Variants in EXOSC10 observed in about 807,000 individuals in gnomAD.
The protein encoded by EXOSC10 is exosome component 10.
EXOSC10 carries 94 observed loss-of-function variants against 126.6 expected under a neutral mutation model. The observed-to-expected ratio is 0.74, with a 90% CI of 0.63 to 0.88. The LOEUF is 0.88. Ranked by LOEUF, EXOSC10 falls within the 40% of genes least tolerant of loss-of-function variation. The pLI, the probability that EXOSC10 is intolerant of heterozygous loss-of-function variation, is 0.00. For synonymous variants in EXOSC10, 395 were observed against 400.8 expected (o/e 0.99, Z 0.17); for missense variants, 1,041 against 1,100.5 (o/e 0.95, Z 0.77).
intron 9 of EXOSC10, among the ~76,000 whole-genome samples, chr1:11,086,258 T>G (rs1420423435): frequency 2.0e-5 from 3 of 152,132 alleles, no homozygotes; most frequent in Non-Finnish European, 4.4e-5. Flanking sequence ...TCCTAGACTC[T>G]TTTTGGTTGG....
Position 11,070,934 on chromosome 1 carries a change from G to A in EXOSC10, c.2282C>T (p.Ala761Val), listed in dbSNP as rs2100948430. The A allele has an allele frequency of 6.2e-7, 1 of 1,614,170 alleles. No individual in the cohort carries two copies. Among genetic ancestry groups the A allele is most frequent in the Non-Finnish European group, 8.5e-7 (1 of 1,180,010 alleles). The change falls in exon 21 of 25, where the codon GCA becomes GTA. Residue 761 changes from alanine (A) to valine (V), a missense_variant. By Grantham distance (64) the Ala-to-Val change is moderately conservative. Around this residue, in one of 3 missense-constraint regions of EXOSC10, gnomAD observed 388 missense variants for 415.2 expected, o/e 0.93. Transcript: ENST00000376936. ...CTGTCGGACGGAGATGGCCTGTTCT[G>A]CTGCAGCTTTGCACGCCTCCTTTGC... ...EQAKEACKAA[A>V]EQAISVRQQV...
intron 21 of EXOSC10, 22 bp from the exon 22 acceptor site, chr1:11,069,752 G>C (rs747851985): frequency 6.6e-5 from 107 of 1,611,324 alleles, no homozygotes; most frequent in Non-Finnish European, 8.7e-5. Context: ...GAACAGATGT[G>C]GGGGAGGAAC....
chr1:11,069,137 G>A (rs1446007194), intron 22 of EXOSC10, among the ~76,000 whole-genome samples: 1 of 152,104 alleles, frequency 6.6e-6, no homozygotes, highest in African/African-American at 2.4e-5. Context: ...AATGCCATCT[G>A]TAGCCCCTTC....
chr1:11,074,641 G>A (rs1181060448), intron 17 of EXOSC10, among the ~76,000 whole-genome samples: 1 of 152,146 alleles, frequency 6.6e-6, no homozygotes, highest in Non-Finnish European at 1.5e-5. Flanking sequence ...TTGAACTCCT[G>A]ACCTCAAGTG....
At position 11,070,970 on chromosome 1, in the gene EXOSC10, G is replaced by A; in HGVS notation, c.2246C>T (p.Ala749Val). 1 of 1,613,806 alleles carries A rather than the reference G, an allele frequency of 6.2e-7. No homozygotes were observed. The highest frequency in any genetic ancestry group is 8.5e-7 in the Non-Finnish European group (1 of 1,179,918). The stretch of plus-strand genomic sequence containing the variant: ...GCACGCCTCCTTTGCCTGTTCCCGG[G>A]CAGCTGCAAGGGAGAGAACTTGTCT... The part of the protein sequence containing the change: ...VKKKAAEQTA[A>V]REQAKEACKA... Residue 749 changes from alanine to valine, a missense_variant, in exon 21 of 25, where the codon GCC becomes GTC. By Grantham distance (64) the Ala-to-Val change is moderately conservative. This residue lies in a region of EXOSC10 where 388 missense variants were observed against 415.2 expected (regional missense o/e 0.93). Coordinates refer to ENST00000376936, the MANE Select transcript of EXOSC10 (RefSeq NM_001001998.3).
In EXOSC10 at chr1:11,087,927, G is replaced by T; in HGVS notation, c.835-17C>A. 1 of 1,478,568 alleles carries T rather than the reference G, an allele frequency of 6.8e-7. No individual in the cohort carries two copies. The highest frequency in any genetic ancestry group is 9.4e-7 in the Non-Finnish European group (1 of 1,065,046). 91.6% of individuals were successfully genotyped at this position (1,478,568 alleles called of 1,614,324 possible). A position where few individuals can be genotyped will look rare whatever the true frequency, so the allele number is the denominator to read the frequency against. Reference sequence around the variant, plus strand: ...TCTGTATAACTGGATCAAGAGAATAGTAAGAAAAAGGGAGGAATATAGAAA... The same window carrying T: ...TCTGTATAACTGGATCAAGAGAATATTAAGAAAAAGGGAGGAATATAGAAA... On this transcript the variant is annotated splice_polypyrimidine_tract_variant and intron_variant, in intron 7 of 24. Transcript: ENST00000376936.
At chr1:11,077,274 A>G in intron 16 of EXOSC10, 91 bp downstream of exon 16, 1 of 1,346,426 alleles carries the variant, frequency 7.4e-7, no homozygotes, top group Non-Finnish European at 1.0e-6. Context: ...TACAGGCATA[A>G]GCCACCACGC....
chr1:11,082,271 T>TA (rs1478801035), intron 10 of EXOSC10, among the ~76,000 whole-genome samples: 1 of 151,928 alleles, frequency 6.6e-6, no homozygotes, highest in Admixed American at 6.6e-5. Flanking sequence ...ACGCTCAGTG[T>TA]AAAGCTAAAC....
intron 12 of EXOSC10, 39 bp downstream of exon 12, chr1:11,080,725 G>A: frequency 6.2e-7 from 1 of 1,612,930 alleles, no homozygotes; most frequent in Non-Finnish European, 8.5e-7. Context: ...GATCTCCTCA[G>A]TCTGGAAACA....
At chr1:11,089,309 C>T (rs1640668689) in intron 6 of EXOSC10, among the ~76,000 whole-genome samples, 1 of 147,646 alleles carries the variant, frequency 6.8e-6, no homozygotes, top group African/African-American at 2.5e-5. Context: ...GGAGGAAAGA[C>T]AAATTTAAGA....
In EXOSC10 at chr1:11,090,995, C is replaced by A; in HGVS notation, c.643+19G>T. ...AAATAAAGTGAGACTCAAACACAGG[C>A]AAAGTATGCACTATTTACCTTGAGG... On this transcript the variant is annotated intron_variant, in intron 5 of 24. Transcript: ENST00000376936. 3 of 1,609,174 alleles carry A rather than the reference C, an allele frequency of 1.9e-6. No homozygotes were observed. The highest frequency in any genetic ancestry group is 2.5e-6 in the Non-Finnish European group (3 of 1,177,608).
chr1:11,091,920 C>G (rs1044685521), intron 3 of EXOSC10, among the ~76,000 whole-genome samples: 1 of 152,116 alleles, frequency 6.6e-6, no homozygotes, highest in Non-Finnish European at 1.5e-5. Context: ...GAACTCCTGA[C>G]CTCAAGTGAT....
chr1:11,087,815 A>C lies in EXOSC10; in HGVS notation c.930T>G (p.Phe310Leu), dbSNP rs1035430586. ...LNEKLLNCQE[F>L]AVDLEHHSYR... The stretch of plus-strand genomic sequence containing the variant: ...TATAAGATACCTCCAAGTCAACTGC[A>C]AATTCCTGACAATTCAAGAGCTTTT... Residue 310 changes from phenylalanine (F) to leucine (L), a missense_variant, in exon 8 of 25, where the codon TTT (phenylalanine) becomes TTG (leucine). Phe to Leu is a conservative substitution (Grantham distance 22). Around this residue, in one of 3 missense-constraint regions of EXOSC10, gnomAD observed 645 missense variants for 656.3 expected, o/e 0.98. Coordinates refer to ENST00000376936, the MANE Select transcript of EXOSC10 (RefSeq NM_001001998.3). The C allele has an allele frequency of 1.2e-5, 19 of 1,612,394 alleles. No individual in the cohort carries two copies. The highest frequency in any genetic ancestry group is 1.3e-5 in the African/African-American group (1 of 74,890).
rs1382382646 is a variant in EXOSC10 at position 11,087,547 on chromosome 1, T to C, written c.990A>G (p.Gln330=). Residue 330 remains glutamine (Q), a synonymous_variant, in exon 9 of 25, where the codon CAA becomes CAG. Coordinates refer to ENST00000376936, the MANE Select transcript of EXOSC10 (RefSeq NM_001001998.3). ...RSFLGLTCLM[Q]ISTRTEDFII... is the part of the protein sequence containing the mutation. The stretch of plus-strand genomic sequence containing the variant: ...TGAAGTCTTCCGTCCGAGTAGAAAT[T>C]TGCATCAGGCAGGTCAGTCCCAGGA... The C allele has an allele frequency of 1.2e-6, 2 of 1,614,064 alleles. No homozygotes were observed. Among genetic ancestry groups the C allele is most frequent in the East Asian group, 2.2e-5 (1 of 44,880 alleles).
Position 11,081,004 on chromosome 1 carries a change from G to C in EXOSC10, c.1437+78C>G, listed in dbSNP as rs1300022242. The C allele has an allele frequency of 2.5e-6, 4 of 1,587,190 alleles. No homozygotes were observed. In the East Asian group the frequency reaches 9.0e-5, roughly 36 times the overall value. On this transcript the variant is annotated intron_variant, in intron 11 of 24. Coordinates refer to ENST00000376936, the MANE Select transcript of EXOSC10 (RefSeq NM_001001998.3). The stretch of plus-strand genomic sequence containing the variant: ...GTTTGGCTCTTTTCATGAATGTAAG[G>C]AGCAAACCTAAGAACTAGAACCTGG...
intron 23 of EXOSC10, 42 bp from the exon 24 acceptor site, chr1:11,068,126 A>G (rs1191820126): frequency 1.3e-6 from 2 of 1,532,054 alleles, no homozygotes; most frequent in Non-Finnish European, 1.8e-6. Flanking sequence ...GGGCACCTTG[A>G]CCACAAGATA....
chr1:11,089,125 G>A (rs1407785212), intron 6 of EXOSC10, among the ~76,000 whole-genome samples: 1 of 151,706 alleles, frequency 6.6e-6, no homozygotes, highest in East Asian at 1.9e-4. Flanking sequence ...CAGCTACTAG[G>A]GAGGCTGAGG....
chr1:11,091,302 G>T, intron 4 of EXOSC10, 123 bp from the exon 5 acceptor site: 1 of 1,037,692 alleles, frequency 9.6e-7, no homozygotes, highest in Non-Finnish European at 1.4e-6. Flanking sequence ...ATTTAAGAAT[G>T]TATGTGCATG....
At chr1:11,099,558 AT>A in intron 1 of EXOSC10, 162 bp downstream of exon 1, 1 of 655,728 alleles carries the variant, frequency 1.5e-6, no homozygotes, top group Non-Finnish European at 2.4e-6. Context: ...CCGAGGCCCC[AT>A]CCCCGGAGGG....
Sources: allele counts gnomAD v4.1 joint callset (sites outside exome capture counted in the v4.1 genomes callset), GRCh38; gene constraint gnomAD v4.1.1; regional missense constraint gnomAD v4.1.1; transcripts MANE v1.5; gene names NCBI Gene and HGNC (gene_info 2026-07-23, HGNC 2026-07-21).